The following SYT1 variants were observed in gnomAD, a reference collection of about 807,000 sequenced individuals.
SYT1 encodes the protein synaptotagmin-1.
In SYT1, 8 loss-of-function variants were observed where a neutral mutation model predicts 44.8. That is an observed-to-expected ratio of 0.18 (90% CI 0.10 to 0.32). The LOEUF (loss-of-function observed/expected upper bound fraction) is 0.32, where lower values mean the gene tolerates loss of function less well. Ranked by LOEUF, SYT1 falls within the 10% of genes least tolerant of loss-of-function variation. SYT1 has a pLI of 1.00. For synonymous variants in SYT1, 154 were observed against 188.8 expected (o/e 0.82, Z 1.51); for missense variants, 286 against 509.3 (o/e 0.56, Z 4.22).
chr12:79,232,961 A>C (rs1205171005), intron 4 of SYT1, among the ~76,000 whole-genome samples: 1 of 152,038 alleles, frequency 6.6e-6, no homozygotes, highest in African/African-American at 2.4e-5. Context: ...TCTACTTTAC[A>C]ATACATCTTT....
chr12:79,146,369 C>T (rs1313028122), intron 3 of SYT1, among the ~76,000 whole-genome samples: 1 of 152,206 alleles, frequency 6.6e-6, no homozygotes, highest in African/African-American at 2.4e-5. Context: ...CAGGCTCTTT[C>T]CCTGTACTGT....
intron 2 of SYT1, among the ~76,000 whole-genome samples, chr12:78,997,384 T>G (rs1420329175): frequency 6.6e-6 from 1 of 152,216 alleles, no homozygotes; most frequent in Non-Finnish European, 1.5e-5. Context: ...AACTTATGTA[T>G]CATGTTATTC....
At chr12:79,189,024 T>G (rs926418514) in intron 3 of SYT1, among the ~76,000 whole-genome samples, 6 of 152,142 alleles carry the variant, frequency 3.9e-5, no homozygotes, top group African/African-American at 1.4e-4. Context: ...CTAACTTCTA[T>G]GATGGTTGCA....
chr12:79,202,302 T>C (rs1282694727), intron 3 of SYT1, among the ~76,000 whole-genome samples: 1 of 152,208 alleles, frequency 6.6e-6, no homozygotes, highest in Non-Finnish European at 1.5e-5. Flanking sequence ...GTTACTTACT[T>C]CACAATGTTC....
chr12:79,019,435 C>A (rs1463661352), intron 2 of SYT1, among the ~76,000 whole-genome samples: 3 of 150,300 alleles, frequency 2.0e-5, no homozygotes, highest in African/African-American at 7.3e-5. Flanking sequence ...ACTACATAAA[C>A]CAATCTACAC....
chr12:78,967,426 A>G (rs1454285869), intron 1 of SYT1, among the ~76,000 whole-genome samples: 2 of 152,208 alleles, frequency 1.3e-5, no homozygotes, highest in Non-Finnish European at 2.9e-5. Context: ...ACATGATAAC[A>G]GCCTGAATTA....
chr12:79,160,802 C>A lies in SYT1; in HGVS notation c.-17-56701C>A, dbSNP rs183828591. Among the ~76,000 whole-genome samples the A allele has an allele frequency of 1.9e-3, 293 of 151,958 alleles. 3 individuals are homozygous for A. Among genetic ancestry groups the A allele is most frequent in the African/African-American group, 6.7e-3 (276 of 41,442 alleles). On this transcript the variant is annotated intron_variant, in intron 3 of 10. Coordinates refer to ENST00000261205, the MANE Select transcript of SYT1 (RefSeq NM_005639.3). ...ATTGGTGCTGTGGCATAAAAGATTGCCAAGAGAAAAAATATAAAGAAATAG... is the reference window on the plus strand; with the variant it reads ...ATTGGTGCTGTGGCATAAAAGATTGACAAGAGAAAAAATATAAAGAAATAG...
At chr12:78,886,804 C>A (rs561832282) in intron 1 of SYT1, among the ~76,000 whole-genome samples, 1 of 151,984 alleles carries the variant, frequency 6.6e-6, no homozygotes, top group East Asian at 1.9e-4. Context: ...CAAATAAAGA[C>A]AATGGATATT....
chr12:79,017,447 G>C (rs183551318), intron 2 of SYT1, among the ~76,000 whole-genome samples: 2 of 152,198 alleles, frequency 1.3e-5, no homozygotes, highest in Non-Finnish European at 2.9e-5. Context: ...AACTAGGATA[G>C]TTCAAAAATA....
chr12:79,111,805 C>T (rs1369627633), intron 3 of SYT1, among the ~76,000 whole-genome samples: 1 of 151,854 alleles, frequency 6.6e-6, no homozygotes, highest in Non-Finnish European at 1.5e-5. Flanking sequence ...TCCCTCACAG[C>T]TCAGACAAGA....
intron 3 of SYT1, among the ~76,000 whole-genome samples, chr12:79,087,792 T>C (rs1877482712): frequency 6.6e-6 from 1 of 152,166 alleles, no homozygotes; most frequent in African/African-American, 2.4e-5. Flanking sequence ...TTAACCAAAA[T>C]ATTCCAAGTG....
chr12:78,947,703 A>G (rs1878740177), intron 1 of SYT1, among the ~76,000 whole-genome samples: 1 of 151,974 alleles, frequency 6.6e-6, no homozygotes, highest in African/African-American at 2.4e-5. Context: ...TTTTGTTCCT[A>G]TGTTTTCTTC....
chr12:79,144,098 T>C (rs1192270494), intron 3 of SYT1, among the ~76,000 whole-genome samples: 1 of 152,180 alleles, frequency 6.6e-6, no homozygotes, highest in Non-Finnish European at 1.5e-5. Context: ...CTCCTTGATC[T>C]GTCATTTCCT....
intron 2 of SYT1, among the ~76,000 whole-genome samples, chr12:79,001,176 T>C (rs1472284654): frequency 6.6e-6 from 1 of 152,000 alleles, no homozygotes; most frequent in Non-Finnish European, 1.5e-5. Context: ...ATTTAACCAG[T>C]TTACCTATTT....
At chr12:79,125,865 A>AG (rs550358906) in intron 3 of SYT1, among the ~76,000 whole-genome samples, 17 of 152,164 alleles carry the variant, frequency 1.1e-4, no homozygotes, top group Non-Finnish European at 2.4e-4. Flanking sequence ...TAACCTCTGC[A>AG]GGAAGTAAGT....
At chr12:79,075,390 C>A (rs1876573286) in intron 3 of SYT1, among the ~76,000 whole-genome samples, 1 of 152,150 alleles carries the variant, frequency 6.6e-6, no homozygotes, top group Non-Finnish European at 1.5e-5. Flanking sequence ...CCCTAGCAGA[C>A]ATTTAGATTT....
intron 2 of SYT1, among the ~76,000 whole-genome samples, chr12:79,008,546 A>G (rs892432994): frequency 1.3e-5 from 2 of 152,186 alleles, no homozygotes; most frequent in Non-Finnish European, 2.9e-5. Flanking sequence ...AGTGAAGAGA[A>G]TAATGGAAGT....
At chr12:79,151,557 C>A (rs986413576) in intron 3 of SYT1, among the ~76,000 whole-genome samples, 3 of 152,132 alleles carry the variant, frequency 2.0e-5, no homozygotes, top group African/African-American at 4.8e-5. Flanking sequence ...AAAAACATCA[C>A]CCTAATGATG....
chr12:78,967,618 G>C (rs1262297795), intron 1 of SYT1, among the ~76,000 whole-genome samples: 1 of 152,138 alleles, frequency 6.6e-6, no homozygotes, highest in Non-Finnish European at 1.5e-5. Flanking sequence ...AGAAGCATAT[G>C]ACATTTCATT....
Sources: allele counts gnomAD v4.1 joint callset (sites outside exome capture counted in the v4.1 genomes callset), GRCh38; gene constraint gnomAD v4.1.1; transcripts MANE v1.5; gene names NCBI Gene and HGNC (gene_info 2026-07-23, HGNC 2026-07-21).